HK1: variants seen among roughly 807,000 people sequenced by gnomAD.
The protein encoded by HK1 is hexokinase-1.
A neutral mutation model predicts 91.6 loss-of-function variants in HK1; 28 were observed. The ratio of observed to expected loss-of-function variants is 0.31; its 90% CI spans 0.23 to 0.42. The LOEUF is 0.42. Among genes scored for constraint, HK1 ranks in the 10% least tolerant of loss-of-function variants. The pLI, the probability that HK1 is intolerant of heterozygous loss-of-function variation, is 1.00. For missense variants in HK1, 770 were observed against 1,219.8 expected (o/e 0.63, Z 5.49); for synonymous variants, 430 against 468.1 (o/e 0.92, Z 1.05).
At chr10:69,353,346 T>TG (rs1227655077) in intron 2 of HK1, among the ~76,000 whole-genome samples, 1 of 152,200 alleles carries the variant, frequency 6.6e-6, no homozygotes, top group East Asian at 1.9e-4. Context: ...CCCAGCATTT[T>TG]GGGAGGCCCA....
intron 5 of HK1, among the ~76,000 whole-genome samples, chr10:69,301,298 A>G (rs772779233): frequency 1.6e-4 from 24 of 151,966 alleles, no homozygotes; most frequent in Non-Finnish European, 5.9e-5. Flanking sequence ...GCAATGAACA[A>G]TATAAAAATG....
intron 1 of HK1, among the ~76,000 whole-genome samples, chr10:69,278,252 A>G (rs528276561): frequency 3.9e-4 from 59 of 152,210 alleles, no homozygotes; most frequent in Non-Finnish European, 7.2e-4. Flanking sequence ...CTTGCTGTAA[A>G]GCACTCACTG....
intron 12 of HK1, 105 bp downstream of exon 12, chr10:69,385,020 A>G: frequency 7.8e-7 from 1 of 1,284,482 alleles, no homozygotes; most frequent in Non-Finnish European, 1.1e-6. Context: ...TCATTCCTAG[A>G]TGACAGTCAC....
intron 4 of HK1, 40 bp downstream of exon 4, chr10:69,364,942 C>T (rs374220650): frequency 3.2e-5 from 52 of 1,612,746 alleles, no homozygotes; most frequent in Middle Eastern, 1.7e-4. Context: ...GCAGATGCCC[C>T]GGGATGGAAA....
chr10:69,330,147 G>T (rs1847631335), intron 1 of HK1, among the ~76,000 whole-genome samples: 1 of 152,086 alleles, frequency 6.6e-6, no homozygotes, highest in Admixed American at 6.6e-5. Flanking sequence ...CATGGGGCTT[G>T]TCTTCAGCCA....
upstream of HK1, among the ~76,000 whole-genome samples, chr10:69,312,343 T>A (rs376850534): frequency 5.2e-4 from 79 of 152,232 alleles, 1 homozygote; most frequent in South Asian, 0.016. Flanking sequence ...TTCAAGTGAT[T>A]CTCCTGTCTA....
At chr10:69,336,176 T>A (rs981971434) in intron 1 of HK1, among the ~76,000 whole-genome samples, 1 of 152,226 alleles carries the variant, frequency 6.6e-6, no homozygotes, top group African/African-American at 2.4e-5. Context: ...TAAGTATATA[T>A]TACTGTTATT....
chr10:69,321,606 G>C (rs1263783314), intron 1 of HK1, among the ~76,000 whole-genome samples: 1 of 152,208 alleles, frequency 6.6e-6, no homozygotes, highest in African/African-American at 2.4e-5. Flanking sequence ...CTTGCCCTCA[G>C]AGCCAGAGGT....
At chr10:69,353,982 G>A (rs987778310) in intron 2 of HK1, among the ~76,000 whole-genome samples, 7 of 152,326 alleles carry the variant, frequency 4.6e-5, no homozygotes, top group African/African-American at 1.7e-4. Flanking sequence ...TGGAGGGAGG[G>A]CAGCCTCGTG....
At chr10:69,272,769 CT>C (rs1173006752) in intron 1 of HK1, among the ~76,000 whole-genome samples, 12 of 148,376 alleles carry the variant, frequency 8.1e-5, no homozygotes, top group Admixed American at 2.7e-4. Flanking sequence ...TGCATGTGTT[CT>C]TTTTTTTTCT....
At position 69,328,945 on chromosome 10, in the gene HK1, A is replaced by G. The variant is rs540196469; in HGVS notation, c.63+9935A>G. Among the ~76,000 whole-genome samples, 19 of 152,192 alleles carry G rather than the reference A, an allele frequency of 1.2e-4. No homozygotes were observed. In the East Asian group the frequency reaches 3.7e-3, roughly 29 times the overall value. ...TGTCTAGCCTCTTTTATTTAGCATAATGTCTTCAAGGTTCATCCATGTAGT... is the reference window on the plus strand; with the variant it reads ...TGTCTAGCCTCTTTTATTTAGCATAGTGTCTTCAAGGTTCATCCATGTAGT... On this transcript the variant is annotated intron_variant, in intron 1 of 17. Coordinates refer to ENST00000359426, the MANE Select transcript of HK1 (RefSeq NM_000188.3).
intron 4 of HK1, among the ~76,000 whole-genome samples, chr10:69,367,268 G>C (rs1849756702): frequency 6.6e-6 from 1 of 152,190 alleles, no homozygotes; most frequent in African/African-American, 2.4e-5. Flanking sequence ...GTGGAGCACA[G>C]ACCCTCAATT....
intron 17 of HK1, among the ~76,000 whole-genome samples, chr10:69,399,116 G>A (rs1840274701): frequency 3.9e-5 from 6 of 152,202 alleles, no homozygotes; most frequent in Admixed American, 3.9e-4. Flanking sequence ...TGGGGGCTAG[G>A]CAGTGGGAGA....
At chr10:69,393,031 G>T (rs982487271) in intron 15 of HK1, among the ~76,000 whole-genome samples, 1 of 152,218 alleles carries the variant, frequency 6.6e-6, no homozygotes, top group East Asian at 1.9e-4. Context: ...GCCCAGGCTG[G>T]AGTGCAATGG....
intron 9 of HK1, among the ~76,000 whole-genome samples, chr10:69,381,421 T>C (rs554770486): frequency 2.0e-5 from 3 of 152,342 alleles, no homozygotes; most frequent in Admixed American, 6.5e-5. Context: ...AGCCATTTCT[T>C]TCTTTTTTCT....
intron 9 of HK1, among the ~76,000 whole-genome samples, chr10:69,381,507 G>T (rs1839383826): frequency 6.7e-6 from 1 of 149,494 alleles, no homozygotes; most frequent in African/African-American, 2.5e-5. Flanking sequence ...TTTTTAGATT[G>T]TGGTAAAATA....
exon 5 of HK1, chr10:69,300,830 GA>G: frequency 6.2e-7 from 1 of 1,608,682 alleles, no homozygotes; most frequent in Non-Finnish European, 8.5e-7. Flanking sequence ...TGGTGGCGTG[GA>G]AAGATGGCAA....
chr10:69,342,790 G>A (rs1362531543), intron 1 of HK1, among the ~76,000 whole-genome samples: 6 of 152,312 alleles, frequency 3.9e-5, no homozygotes, highest in Admixed American at 3.3e-4. Context: ...AACCTTCCTC[G>A]GTGGACTCTA....
At chr10:69,288,214 A>T (rs563278221) in intron 2 of HK1, among the ~76,000 whole-genome samples, 28 of 152,200 alleles carry the variant, frequency 1.8e-4, no homozygotes, top group African/African-American at 6.7e-4. Flanking sequence ...CCAAAGCATG[A>T]CTCTTTCTTT....
Sources: allele counts gnomAD v4.1 joint callset (sites outside exome capture counted in the v4.1 genomes callset), GRCh38; gene constraint gnomAD v4.1.1; transcripts MANE v1.5; gene names NCBI Gene and HGNC (gene_info 2026-07-23, HGNC 2026-07-21).